Variants in PGM3 observed in about 807,000 individuals in gnomAD.
PGM3 encodes the protein phosphoacetylglucosamine mutase.
A neutral mutation model predicts 66.2 loss-of-function variants in PGM3; 40 were observed. The ratio of observed to expected loss-of-function variants is 0.60; its 90% CI spans 0.47 to 0.79. The LOEUF (loss-of-function observed/expected upper bound fraction) is 0.79, where lower values mean the gene tolerates loss of function less well. Ranked by LOEUF, PGM3 falls within the 30% of genes least tolerant of loss-of-function variation. The probability of loss-of-function intolerance (pLI) is 0.00; values close to 1 mark genes in which losing one functional copy is unlikely to be tolerated. For synonymous variants in PGM3, 191 were observed against 224.2 expected, an observed-to-expected ratio of 0.85 and a Z score of 1.32; for missense variants, 537 against 643.4, an observed-to-expected ratio of 0.83 and a Z score of 1.79.
chr6:83,154,039 A>C, the PGM3 span: 1 of 1,613,856 alleles, frequency 6.2e-7, no homozygotes, highest in Non-Finnish European at 8.5e-7. Context: ...CTCTTGTGTT[A>C]ATCAGTAAGT....
At position 83,172,021 on chromosome 6, in the gene PGM3, T is replaced by TTCAA; in HGVS notation, c.1277_1280dup (p.Glu427AspfsTer2). The stretch of plus-strand genomic sequence containing the variant: ...TCAAGCCCTTCAGAGCCAAGATTGC[T>TTCAA]TCAATCACCAGCATGTCAGAAATAG... On this transcript the variant is annotated stop_gained and frameshift_variant, in exon 11 of 13. Coordinates refer to ENST00000513973, the MANE Select transcript of PGM3 (RefSeq NM_015599.3). LOFTEE classifies it high-confidence loss of function. 1 of 1,613,522 alleles carries TTCAA rather than the reference T, an allele frequency of 6.2e-7. No homozygotes were observed. The highest frequency in any genetic ancestry group is 8.5e-7 in the Non-Finnish European group (1 of 1,179,592).
chr6:83,174,066 C>T (rs994699240), intron 10 of PGM3, among the ~76,000 whole-genome samples: 10 of 151,954 alleles, frequency 6.6e-5, no homozygotes, highest in East Asian at 1.9e-4. Flanking sequence ...TTAATTTCAT[C>T]GAGGTTTGGT....
At position 83,170,335 on chromosome 6, in the gene PGM3, G is replaced by A. The variant is rs764980780; in HGVS notation, c.1509C>T (p.Val503=). ...AFVRPSGTED[V]VRVYAEADSQ... ...AGTCTGCTTCTGCATATACTCGGAC[G>A]ACATCTTCTGTACCAGAGGGCCGGA... Residue 503 remains valine (V), a synonymous_variant, in exon 12 of 13, where the codon GTC becomes GTT. Coordinates refer to ENST00000513973, the MANE Select transcript of PGM3 (RefSeq NM_015599.3). The A allele has an allele frequency of 1.4e-5, 22 of 1,614,090 alleles. No individual in the cohort carries two copies. The highest frequency in any genetic ancestry group is 5.5e-5 in the South Asian group (5 of 91,078).
chr6:83,153,649 A>G, the PGM3 span: 2 of 1,510,048 alleles, frequency 1.3e-6, no homozygotes, highest in Non-Finnish European at 1.8e-6. Flanking sequence ...TAGTTTTTAA[A>G]ATTAATTCAT....
the PGM3 span, chr6:83,155,911 C>G: frequency 6.3e-7 from 1 of 1,586,784 alleles, no homozygotes; most frequent in Non-Finnish European, 8.5e-7. Context: ...AATCTTTCTT[C>G]AGATGACAGT....
the PGM3 span, chr6:83,152,246 CA>C: frequency 2.8e-3 from 3,241 of 1,177,178 alleles, 6 homozygotes; most frequent in Non-Finnish European, 3.7e-3. Context: ...AATTTATTTT[CA>C]GTGGGAATTA....
At chr6:83,178,581 TACA>T (rs1160238189) in intron 8 of PGM3, 89 bp downstream of exon 8, 1 of 782,066 alleles carries the variant, frequency 1.3e-6, no homozygotes, top group Non-Finnish European at 2.3e-6. Context: ...CTTCATGCAC[TACA>T]ACATAATCAC....
chr6:83,153,693 C>A, the PGM3 span: 4 of 1,277,522 alleles, frequency 3.1e-6, no homozygotes, highest in East Asian at 2.5e-5. Flanking sequence ...TCCCTTATTG[C>A]CATTTCTAGA....
chr6:83,159,996 G>T (rs377329447), downstream of PGM3: 135 of 1,604,970 alleles, frequency 8.4e-5, 1 homozygote, highest in Non-Finnish European at 1.1e-4. Flanking sequence ...GGTTATTTTT[G>T]AAAGTGCATT....
At chr6:83,150,805 T>A in the PGM3 span, among the ~76,000 whole-genome samples, 2 of 152,234 alleles carry the variant, frequency 1.3e-5, no homozygotes, top group East Asian at 3.8e-4. Flanking sequence ...TTTTTTAAAC[T>A]TTTCTGTTTA....
downstream of PGM3, chr6:83,164,814 G>A: frequency 3.1e-6 from 3 of 958,768 alleles, no homozygotes; most frequent in Non-Finnish European, 4.6e-6. Flanking sequence ...GTACAAGGGA[G>A]GTAAACAGGA....
chr6:83,187,315 A>C (rs1195644986), intron 3 of PGM3, among the ~76,000 whole-genome samples: 1 of 152,202 alleles, frequency 6.6e-6, no homozygotes, highest in Non-Finnish European at 1.5e-5. Context: ...AATAGATATA[A>C]AGGACACTCT....
intron 6 of PGM3, among the ~76,000 whole-genome samples, 190 bp from the exon 7 acceptor site, chr6:83,180,157 G>A (rs1788071814): frequency 6.6e-6 from 1 of 152,076 alleles, no homozygotes; most frequent in East Asian, 1.9e-4. Flanking sequence ...GTGAAAAAAG[G>A]AGCATTCAAA....
intron 5 of PGM3, among the ~76,000 whole-genome samples, chr6:83,182,592 T>C (rs756966976): frequency 1.9e-4 from 29 of 152,184 alleles, no homozygotes; most frequent in Non-Finnish European, 3.7e-4. Context: ...GATACCATCG[T>C]CAAGACCCCC....
chr6:83,174,399 TCA>T lies in PGM3; in HGVS notation c.1215_1216del (p.Glu406LysfsTer4). On this transcript the variant is annotated frameshift_variant, in exon 10 of 13. Coordinates refer to ENST00000513973, the MANE Select transcript of PGM3 (RefSeq NM_015599.3). LOFTEE classifies it high-confidence loss of function. The stretch of plus-strand genomic sequence containing the variant: ...CTGGTTAAACAAGTCAATAATGTTT[TCA>T]AGCATCTTAGCAGCTTTTCTTTTCT... The T allele has an allele frequency of 1.9e-6, 3 of 1,598,820 alleles. No homozygotes were observed. Among genetic ancestry groups the T allele is most frequent in the Non-Finnish European group, 2.6e-6 (3 of 1,168,418 alleles).
At chr6:83,153,819 T>C in the PGM3 span, 1 of 1,462,178 alleles carries the variant, frequency 6.8e-7, no homozygotes, top group Non-Finnish European at 9.2e-7. Context: ...TAGGTAAATG[T>C]GAACATTTAT....
At chr6:83,157,100 T>G, downstream of PGM3, 41 of 1,368,200 alleles carry the variant, frequency 3.0e-5, no homozygotes, top group Non-Finnish European at 3.7e-5. Context: ...ACAGATAGTT[T>G]GAGAGTACTG....
rs368382854 is a variant in PGM3 at position 83,166,309 on chromosome 6, A to G, written c.*2925T>C. 1.4e-5 allele frequency: 9 copies of G among 647,540 alleles called. No individual in the cohort carries two copies. Among genetic ancestry groups the G allele is most frequent in the African/African-American group, 1.3e-4 (7 of 55,696 alleles). 40.1% of individuals were successfully genotyped at this position (647,540 alleles called of 1,614,324 possible). ...GCTTCGATGATGTTCTCAATTGGTC[A>G]TTATCAATTTCCGATGACTGGCCAC... On this transcript the variant is annotated 3_prime_UTR_variant, in exon 13 of 13. Coordinates refer to ENST00000513973, the MANE Select transcript of PGM3 (RefSeq NM_015599.3).
downstream of PGM3, chr6:83,164,608 G>C: frequency 7.3e-6 from 11 of 1,513,592 alleles, no homozygotes; most frequent in Non-Finnish European, 9.9e-6. Flanking sequence ...TCATGGCCAA[G>C]CATACTTTTC....
Sources: allele counts gnomAD v4.1 joint callset (sites outside exome capture counted in the v4.1 genomes callset), GRCh38; gene constraint gnomAD v4.1.1; transcripts MANE v1.5; gene names NCBI Gene and HGNC (gene_info 2026-07-23, HGNC 2026-07-21).